Variants in SYNPR observed in about 807,000 individuals in gnomAD.
SYNPR encodes synaptoporin.
SYNPR carries 23 observed loss-of-function variants against 32.9 expected under a neutral mutation model. The ratio of observed to expected loss-of-function variants is 0.70; its 90% confidence interval spans 0.50 to 0.99. SYNPR has a LOEUF of 0.99. Among genes scored for constraint, SYNPR ranks in the 50% least tolerant of loss-of-function variants. The probability of loss-of-function intolerance (pLI) is 0.00; values close to 1 mark genes in which losing one functional copy is unlikely to be tolerated. For missense variants in SYNPR, 318 were observed against 349.3 expected, an observed-to-expected ratio of 0.91 and a Z score of 0.71; for synonymous variants, 146 against 135.9, an observed-to-expected ratio of 1.07 and a Z score of -0.52.
the SYNPR span, among the ~76,000 whole-genome samples, chr3:63,221,851 G>A: frequency 2.7e-4 from 41 of 151,982 alleles, no homozygotes; most frequent in Middle Eastern, 3.4e-3. Context: ...ATACCACAAG[G>A]AGCTATAGGG....
chr3:63,538,052 A>G (rs1419108474), intron 3 of SYNPR, among the ~76,000 whole-genome samples: 1 of 143,706 alleles, frequency 7.0e-6, no homozygotes, highest in Non-Finnish European at 1.5e-5. Flanking sequence ...CCAAAACAAT[A>G]TTTCCTTGCC....
At chr3:63,507,069 C>G (rs766898025) in intron 3 of SYNPR, among the ~76,000 whole-genome samples, 3 of 151,854 alleles carry the variant, frequency 2.0e-5, no homozygotes, top group Non-Finnish European at 4.4e-5. Context: ...ATCACTTGAA[C>G]CTGGGAGGCG....
chr3:63,514,276 G>A (rs1701752640), intron 3 of SYNPR, among the ~76,000 whole-genome samples: 1 of 152,140 alleles, frequency 6.6e-6, no homozygotes, highest in South Asian at 2.1e-4. Context: ...AGGCTTGAAT[G>A]TTTTTTGGGA....
chr3:63,252,796 G>A (rs1045336331), intron 2 of SYNPR, among the ~76,000 whole-genome samples: 2 of 152,074 alleles, frequency 1.3e-5, no homozygotes, highest in African/African-American at 2.4e-5. Context: ...ATCTTAGCAC[G>A]TTGGGTGGCT....
At chr3:63,480,405 C>T (rs1701022372) in intron 2 of SYNPR, among the ~76,000 whole-genome samples, 1 of 152,134 alleles carries the variant, frequency 6.6e-6, no homozygotes, top group Non-Finnish European at 1.5e-5. Flanking sequence ...AAAGACAAAT[C>T]ATATTATGGT....
chr3:63,316,384 A>G (rs2087043620), intron 2 of SYNPR, among the ~76,000 whole-genome samples: 1 of 151,638 alleles, frequency 6.6e-6, no homozygotes. Context: ...TTTGTTTGTA[A>G]TTTTTAAATT....
chr3:63,516,840 T>C (rs770653758), intron 3 of SYNPR, among the ~76,000 whole-genome samples: 2 of 152,184 alleles, frequency 1.3e-5, no homozygotes, highest in African/African-American at 4.8e-5. Context: ...GCAACTTTTC[T>C]CTTGCTTTAC....
intron 2 of SYNPR, among the ~76,000 whole-genome samples, chr3:63,287,344 T>A (rs1013889706): frequency 1.2e-4 from 18 of 152,174 alleles, no homozygotes; most frequent in Admixed American, 5.2e-4. Flanking sequence ...TTGCTCACCT[T>A]TTTTTAGTTG....
In SYNPR at chr3:63,289,802, A is replaced by G. The variant is rs549313676; in HGVS notation, c.84+11060A>G. ...ATTAAGTGCTATGCACATGTTTTTC[A>G]TATAATTTCATGTTACTTTCAAAAG... On this transcript the variant is annotated intron_variant, in intron 2 of 5. Coordinates refer to ENST00000478300, the MANE Select transcript of SYNPR (RefSeq NM_001130003.2). 3.0e-4 allele frequency among the ~76,000 whole-genome samples: 46 copies of G among 152,312 alleles called. No homozygotes were observed. The South Asian group carries it at 9.3e-3, about 31-fold the overall frequency.
intron 2 of SYNPR, among the ~76,000 whole-genome samples, chr3:63,462,782 A>G (rs2106658438): frequency 6.6e-6 from 1 of 152,318 alleles, no homozygotes; most frequent in Non-Finnish European, 1.5e-5. Context: ...TTCAGTGTGC[A>G]TCCATTATAA....
intron 3 of SYNPR, among the ~76,000 whole-genome samples, chr3:63,269,087 T>C (rs1032232331): frequency 6.6e-6 from 1 of 152,222 alleles, no homozygotes; most frequent in African/African-American, 2.4e-5. Flanking sequence ...ATAACATAAG[T>C]ATATAATTTG....
At chr3:63,275,678 T>C (rs1057458153), upstream of SYNPR, among the ~76,000 whole-genome samples, 6 of 152,252 alleles carry the variant, frequency 3.9e-5, no homozygotes, top group African/African-American at 1.4e-4. Context: ...GCATGTTACA[T>C]AGCCATTCTA....
chr3:63,369,746 T>C (rs2087772103), intron 2 of SYNPR, among the ~76,000 whole-genome samples: 1 of 152,200 alleles, frequency 6.6e-6, no homozygotes, highest in Admixed American at 6.5e-5. Context: ...CATGTCATTA[T>C]TTTTTATTTA....
intron 2 of SYNPR, among the ~76,000 whole-genome samples, chr3:63,257,554 A>T (rs1242961280): frequency 1.3e-5 from 2 of 152,184 alleles, no homozygotes; most frequent in Non-Finnish European, 2.9e-5. Context: ...GCCCTAAAAG[A>T]GCTCCTGAAG....
intron 2 of SYNPR, among the ~76,000 whole-genome samples, chr3:63,330,568 C>T (rs1302395792): frequency 6.6e-6 from 1 of 152,032 alleles, no homozygotes; most frequent in Non-Finnish European, 1.5e-5. Flanking sequence ...GTGTGCATCT[C>T]AGTCCTTAAA....
intron 2 of SYNPR, among the ~76,000 whole-genome samples, chr3:63,331,619 TAAATATA>T (rs2087230489): frequency 1.3e-5 from 2 of 152,080 alleles, no homozygotes; most frequent in Admixed American, 6.6e-5. Context: ...GGCTTGGGCT[TAAATATA>T]AGTCCATGCT....
chr3:63,452,123 T>A, intron 2 of SYNPR: 1 of 702,118 alleles, frequency 1.4e-6, no homozygotes, highest in Admixed American at 2.0e-5. Context: ...AAGGCAAGAA[T>A]GTTTTCTTAT....
At chr3:63,358,736 A>T (rs1228427492) in intron 2 of SYNPR, among the ~76,000 whole-genome samples, 4 of 152,188 alleles carry the variant, frequency 2.6e-5, no homozygotes, top group Non-Finnish European at 5.9e-5. Context: ...ACTCATCTAG[A>T]TATTTCACAT....
chr3:63,250,984 T>C (rs1176619017), intron 1 of SYNPR, among the ~76,000 whole-genome samples: 2 of 152,044 alleles, frequency 1.3e-5, no homozygotes, highest in Non-Finnish European at 2.9e-5. Flanking sequence ...ACACTTAAAA[T>C]TACAATAGAA....
Sources: allele counts gnomAD v4.1 joint callset (sites outside exome capture counted in the v4.1 genomes callset), GRCh38; gene constraint gnomAD v4.1.1; transcripts MANE v1.5; gene names NCBI Gene and HGNC (gene_info 2026-07-23, HGNC 2026-07-21).